UGT1A10: variants seen among roughly 807,000 people sequenced by gnomAD.
The protein encoded by UGT1A10 is UDP-glucuronosyltransferase 1A10.
UGT1A10 carries 49 observed loss-of-function variants against 45.8 expected under a neutral mutation model. That is an observed-to-expected ratio of 1.07 (90% CI 0.85 to 1.36). The LOEUF (loss-of-function observed/expected upper bound fraction) is 1.36. Ranked by LOEUF, UGT1A10 falls within the 40% of genes most tolerant of loss-of-function variation. UGT1A10 has a pLI of 0.00. For missense variants in UGT1A10, 745 were observed against 668.6 expected, an observed-to-expected ratio of 1.11 and a Z score of -1.26; for synonymous variants, 284 against 249.7, an observed-to-expected ratio of 1.14 and a Z score of -1.29.
At chr2:233,680,123 A>C (rs1376799549) in intron 1 of UGT1A10, among the ~76,000 whole-genome samples, 1 of 152,096 alleles carries the variant, frequency 6.6e-6, no homozygotes, top group Non-Finnish European at 1.5e-5. Context: ...AATCTACGGT[A>C]CCTATCAAGT....
intron 1 of UGT1A10, chr2:233,692,086 G>A (rs1010859052): frequency 1.3e-5 from 2 of 152,196 alleles, no homozygotes; most frequent in Admixed American, 6.5e-5. Flanking sequence ...ATTGAAGATT[G>A]ATTTGATCAC....
intron 1 of UGT1A10, among the ~76,000 whole-genome samples, chr2:233,684,787 A>G (rs558954274): frequency 8.5e-5 from 13 of 152,314 alleles, no homozygotes; most frequent in Non-Finnish European, 8.8e-5. Context: ...TTTGGCAAAG[A>G]GCCCTGGATA....
At chr2:233,755,161 C>T (rs1553619056) in intron 1 of UGT1A10, 1 of 1,292,236 alleles carries the variant, frequency 7.7e-7, no homozygotes, top group Non-Finnish European at 1.0e-6. Flanking sequence ...TCCCTGTCCT[C>T]GGGGTTTTTG....
intron 1 of UGT1A10, among the ~76,000 whole-genome samples, chr2:233,715,921 C>A (rs1424771340): frequency 2.6e-5 from 4 of 152,180 alleles, no homozygotes; most frequent in Admixed American, 6.5e-5. Flanking sequence ...TCATTGAGCT[C>A]AGGAGTTTCA....
intron 1 of UGT1A10, among the ~76,000 whole-genome samples, chr2:233,680,491 A>G (rs142850766): frequency 0.018 from 2,813 of 152,292 alleles, 49 homozygotes; most frequent in Admixed American, 0.037. Flanking sequence ...GGAAGGAACC[A>G]TCTTGTGCTT....
In UGT1A10 at chr2:233,772,606, T is replaced by C. The variant is rs34895241; in HGVS notation, c.*47T>C. 98 of 1,584,170 alleles carry C rather than the reference T, an allele frequency of 6.2e-5. No homozygotes were observed. Among genetic ancestry groups the C allele is most frequent in the Admixed American group, 4.5e-4 (25 of 55,206 alleles). On this transcript the variant is annotated 3_prime_UTR_variant, in exon 5 of 5. Transcript: ENST00000344644. The stretch of plus-strand genomic sequence containing the variant: ...AAAATTTTGAACCATTCCCTAGTCA[T>C]TTCCAAACTTGAAAACAGAATCAGT...
chr2:233,701,346 A>T (rs148707887), intron 1 of UGT1A10, among the ~76,000 whole-genome samples: 1 of 152,088 alleles, frequency 6.6e-6, no homozygotes, highest in African/African-American at 2.4e-5. Flanking sequence ...ACAGTGTAAA[A>T]GTTCTTAGAG....
At chr2:233,724,314 G>A (rs1472414004) in intron 1 of UGT1A10, among the ~76,000 whole-genome samples, 88 of 143,820 alleles carry the variant, frequency 6.1e-4, no homozygotes, top group Middle Eastern at 3.9e-3. Context: ...CCTCCCGGAC[G>A]GGGCGGCTGG....
At chr2:233,652,307 G>A (rs923173968) in intron 1 of UGT1A10, among the ~76,000 whole-genome samples, 3 of 152,174 alleles carry the variant, frequency 2.0e-5, no homozygotes, top group African/African-American at 7.2e-5. Context: ...AGCAAGGAGA[G>A]ACTACAGTGT....
chr2:233,642,472 C>T (rs1350590025), intron 1 of UGT1A10, among the ~76,000 whole-genome samples: 6 of 152,218 alleles, frequency 3.9e-5, no homozygotes, highest in Non-Finnish European at 1.5e-5. Flanking sequence ...TTTGAATTCT[C>T]TGTCTGAAAG....
chr2:233,649,431 C>A (rs1284552198), intron 1 of UGT1A10, among the ~76,000 whole-genome samples: 1 of 152,178 alleles, frequency 6.6e-6, no homozygotes, highest in East Asian at 1.9e-4. Flanking sequence ...CTAACCTGTA[C>A]TACCTGCTGC....
At chr2:233,710,216 T>C (rs1250150176) in intron 1 of UGT1A10, among the ~76,000 whole-genome samples, 1 of 152,234 alleles carries the variant, frequency 6.6e-6, no homozygotes, top group Non-Finnish European at 1.5e-5. Flanking sequence ...CTATTATGAA[T>C]AAAGCTGCTA....
At chr2:233,727,849 C>T (rs1182266870) in intron 1 of UGT1A10, among the ~76,000 whole-genome samples, 2 of 152,218 alleles carry the variant, frequency 1.3e-5, no homozygotes, top group Admixed American at 6.5e-5. Flanking sequence ...GGAGTAATTT[C>T]CTCCCTAAGG....
In UGT1A10 at chr2:233,675,025, G is replaced by A. The variant is rs368693453; in HGVS notation, c.855+37648G>A. 4.9e-4 allele frequency among the ~76,000 whole-genome samples: 75 copies of A among 152,298 alleles called. No homozygotes were observed. The South Asian group carries it at 0.015, about 31-fold the overall frequency. On this transcript the variant is annotated intron_variant, in intron 1 of 4. Transcript: ENST00000344644. ...GAAGCATTACTTGATGATGGAGTAT[G>A]TGTTTGCACATGTATGTGTTTGTGT...
At chr2:233,756,198 G>C (rs1023408746) in intron 1 of UGT1A10, 1 of 152,220 alleles carries the variant, frequency 6.6e-6, no homozygotes, top group Non-Finnish European at 1.5e-5. Flanking sequence ...TAGCAGAGTA[G>C]TCCCTGGTAT....
rs369934422 is a variant in UGT1A10, at chr2:233,640,147, C to T, written c.855+2770C>T. Among the ~76,000 whole-genome samples the T allele has an allele frequency of 1.4e-4, 21 of 152,292 alleles. No individual in the cohort carries two copies. In the South Asian group the frequency reaches 2.3e-3, roughly 17 times the overall value. ...AAATTCAAAGTTAACTTTTGGTTGA[C>T]AAGACTAAGGCCTCCCACTAAAATT... On this transcript the variant is annotated intron_variant, in intron 1 of 4. Coordinates refer to ENST00000344644, the MANE Select transcript of UGT1A10 (RefSeq NM_019075.4).
chr2:233,713,549 G>A (rs1391054862), intron 1 of UGT1A10: 1 of 1,613,986 alleles, frequency 6.2e-7, no homozygotes. Flanking sequence ...AGGGCACACA[G>A]TGTCCAAACC....
chr2:233,659,686 T>C (rs2073927767), intron 1 of UGT1A10, among the ~76,000 whole-genome samples: 1 of 152,172 alleles, frequency 6.6e-6, no homozygotes. Context: ...AAATACATCA[T>C]AATTACTGTC....
intron 1 of UGT1A10, among the ~76,000 whole-genome samples, chr2:233,751,321 C>T (rs551289281): frequency 6.6e-6 from 1 of 152,014 alleles, no homozygotes; most frequent in East Asian, 1.9e-4. Flanking sequence ...TTTCTGTACC[C>T]CCATTGTGTC....
Sources: gnomAD v4.1 joint callset for allele counts (sites outside exome capture counted in the v4.1 genomes callset) on GRCh38, gnomAD v4.1.1 for gene constraint, MANE v1.5 for transcripts, NCBI Gene and HGNC (gene_info 2026-07-23, HGNC 2026-07-21) for gene names.